NPSR1: variants seen among roughly 807,000 people sequenced by gnomAD.
NPSR1 encodes neuropeptide S receptor 1, also known as neuropeptide S receptor.
In NPSR1, 48 loss-of-function variants were observed where a neutral mutation model predicts 46.9. The observed-to-expected ratio is 1.02, with a 90% CI of 0.81 to 1.30. The LOEUF (loss-of-function observed/expected upper bound fraction) is 1.30. Among genes scored for constraint, NPSR1 ranks in the 50% most tolerant of loss-of-function variants. The pLI, the probability that NPSR1 is intolerant of heterozygous loss-of-function variation, is 0.00. For synonymous variants in NPSR1, 176 were observed against 168.1 expected, an observed-to-expected ratio of 1.05 and a Z score of -0.36; for missense variants, 450 against 449.5, an observed-to-expected ratio of 1.00 and a Z score of -0.01.
chr7:34,663,233 T>G (rs1583757178), intron 1 of NPSR1, among the ~76,000 whole-genome samples: 1 of 151,984 alleles, frequency 6.6e-6, no homozygotes, highest in African/African-American at 2.4e-5. Flanking sequence ...TCATCTGGGT[T>G]CCCATCCGAC....
At chr7:34,859,967 A>T (rs1791149465) in intron 8 of NPSR1, among the ~76,000 whole-genome samples, 1 of 151,808 alleles carries the variant, frequency 6.6e-6, no homozygotes, top group Non-Finnish European at 1.5e-5. Flanking sequence ...CAACTGGAAC[A>T]CGAATGTTAT....
chr7:34,867,253 T>C (rs1313489435), intron 8 of NPSR1, among the ~76,000 whole-genome samples: 28 of 151,754 alleles, frequency 1.8e-4, no homozygotes, highest in Non-Finnish European at 3.2e-4. Context: ...GGAGGGATGG[T>C]GAGAAGGCTT....
intron 1 of NPSR1, among the ~76,000 whole-genome samples, chr7:34,674,832 C>G (rs1447805461): frequency 6.6e-6 from 1 of 152,142 alleles, no homozygotes; most frequent in African/African-American, 2.4e-5. Flanking sequence ...ATGCATGGAC[C>G]TTATGCTCAG....
In NPSR1 at chr7:34,870,151, ACT is replaced by A. The variant is rs575294563; in HGVS notation, c.1026-7923_1026-7922del. On this transcript the variant is annotated intron_variant, in intron 8 of 8. Coordinates refer to the NPSR1 transcript ENST00000359791. Reference sequence around the variant, plus strand: ...GTTTTGGACTCAAGAGGGCGAGCAGACTCCTCCTCCCTCTGAGCTGCCTCTGT... The same window carrying A: ...GTTTTGGACTCAAGAGGGCGAGCAGACCTCCTCCCTCTGAGCTGCCTCTGT... Among the ~76,000 whole-genome samples, 47 of 151,644 alleles carry A rather than the reference ACT, an allele frequency of 3.1e-4. No homozygotes were observed. The South Asian group carries it at 8.7e-3, about 28-fold the overall frequency.
At chr7:34,712,740 C>T (rs1783364567) in intron 2 of NPSR1, among the ~76,000 whole-genome samples, 1 of 152,166 alleles carries the variant, frequency 6.6e-6, no homozygotes, top group Admixed American at 6.5e-5. Flanking sequence ...TTTAAAAAGG[C>T]TACTTAATTA....
intron 8 of NPSR1, among the ~76,000 whole-genome samples, chr7:34,864,997 G>A (rs1023347267): frequency 5.3e-5 from 8 of 151,674 alleles, no homozygotes; most frequent in Admixed American, 4.6e-4. Flanking sequence ...AAAATTCTGC[G>A]CACCCTCCTA....
chr7:34,834,695 C>T (rs1200600557), intron 6 of NPSR1, among the ~76,000 whole-genome samples: 2 of 152,112 alleles, frequency 1.3e-5, no homozygotes, highest in African/African-American at 4.8e-5. Context: ...TCAAGCTATG[C>T]CAGCAGAGAG....
intron 3 of NPSR1, among the ~76,000 whole-genome samples, chr7:34,810,282 G>C (rs1016955414): frequency 8.5e-5 from 13 of 152,170 alleles, no homozygotes; most frequent in African/African-American, 3.1e-4. Flanking sequence ...ATAGAAATGA[G>C]GCTCCAAGTT....
intron 1 of NPSR1, among the ~76,000 whole-genome samples, chr7:34,673,282 C>T (rs963552126): frequency 6.6e-6 from 1 of 152,100 alleles, no homozygotes; most frequent in Non-Finnish European, 1.5e-5. Flanking sequence ...TCCCTTTTAT[C>T]CCCAAAGTAT....
chr7:34,829,834 C>T (rs993120243), intron 5 of NPSR1, among the ~76,000 whole-genome samples: 1 of 152,190 alleles, frequency 6.6e-6, no homozygotes, highest in Non-Finnish European at 1.5e-5. Flanking sequence ...TTTCCCTCAG[C>T]TCTCACCAAG....
chr7:34,673,164 T>A (rs555776711), intron 1 of NPSR1, among the ~76,000 whole-genome samples: 1 of 152,300 alleles, frequency 6.6e-6, no homozygotes, highest in African/African-American at 2.4e-5. Flanking sequence ...TTCTATTACA[T>A]GTTCCTTATT....
chr7:34,712,447 T>C (rs1215388277), intron 2 of NPSR1, among the ~76,000 whole-genome samples: 1 of 152,222 alleles, frequency 6.6e-6, no homozygotes, highest in Non-Finnish European at 1.5e-5. Context: ...AGCCTAATAA[T>C]ATAAACACAG....
chr7:34,677,185 G>A (rs527836069), intron 1 of NPSR1, among the ~76,000 whole-genome samples: 1 of 152,150 alleles, frequency 6.6e-6, no homozygotes, highest in Non-Finnish European at 1.5e-5. Flanking sequence ...CCCTTGGCTC[G>A]GATTGTACTC....
At chr7:34,782,955 G>A (rs562991207) in intron 3 of NPSR1, among the ~76,000 whole-genome samples, 8 of 152,168 alleles carry the variant, frequency 5.3e-5, no homozygotes, top group Admixed American at 3.3e-4. Flanking sequence ...TAATTAAATA[G>A]AAATTCTGGA....
At chr7:34,819,040 A>C (rs1300932720) in intron 4 of NPSR1, among the ~76,000 whole-genome samples, 1 of 152,210 alleles carries the variant, frequency 6.6e-6, no homozygotes, top group African/African-American at 2.4e-5. Context: ...CACCAAAAGC[A>C]ATGGCAACAA....
rs186321074 is a variant in NPSR1, at chr7:34,733,297, G to C, written c.281-45165G>C. On this transcript the variant is annotated intron_variant, in intron 2 of 8. Coordinates refer to ENST00000360581, the MANE Select transcript of NPSR1 (RefSeq NM_207172.2). ...TAGCCGGGCACGATGGCGGTTGCCT[G>C]TAATCCCAGCTACTGGGAGGCTAAG... 2.1e-4 allele frequency among the ~76,000 whole-genome samples: 32 copies of C among 152,120 alleles called. 1 individual carries two copies. In the East Asian group the frequency reaches 6.2e-3, roughly 29 times the overall value.
At chr7:34,813,591 C>T (rs1789098882) in intron 4 of NPSR1, among the ~76,000 whole-genome samples, 1 of 152,152 alleles carries the variant, frequency 6.6e-6, no homozygotes, top group African/African-American at 2.4e-5. Flanking sequence ...TGAACGATAA[C>T]ATTAAAGTCA....
chr7:34,752,627 T>A (rs951835245), intron 2 of NPSR1, among the ~76,000 whole-genome samples: 16 of 152,162 alleles, frequency 1.1e-4, no homozygotes, highest in African/African-American at 3.9e-4. Context: ...GTGTCCAGAA[T>A]TTTACTAGAT....
chr7:34,803,480 C>T (rs1296888842), intron 3 of NPSR1, among the ~76,000 whole-genome samples: 2 of 151,940 alleles, frequency 1.3e-5, no homozygotes, highest in East Asian at 1.9e-4. Flanking sequence ...AAAAATCAAA[C>T]ACCGCAGGTT....
Sources: gnomAD v4.1 joint callset for allele counts (sites outside exome capture counted in the v4.1 genomes callset) on GRCh38, gnomAD v4.1.1 for gene constraint, MANE v1.5 for transcripts, NCBI Gene and HGNC (gene_info 2026-07-23, HGNC 2026-07-21) for gene names.